The following ZNF93 variants were observed in gnomAD, a reference collection of about 807,000 sequenced individuals.
ZNF93 encodes the protein zinc finger protein 93.
A neutral mutation model predicts 45.0 loss-of-function variants in ZNF93; 29 were observed. That is an observed-to-expected ratio of 0.64 (90% CI 0.48 to 0.88). The LOEUF (loss-of-function observed/expected upper bound fraction) is 0.88, where lower values mean the gene tolerates loss of function less well. Among genes scored for constraint, ZNF93 ranks in the 40% least tolerant of loss-of-function variants. The probability of loss-of-function intolerance (pLI) is 0.00; values close to 1 mark genes in which losing one functional copy is unlikely to be tolerated. For missense variants in ZNF93, 578 were observed against 724.0 expected, an observed-to-expected ratio of 0.80 and a Z score of 2.31; for synonymous variants, 223 against 244.6, an observed-to-expected ratio of 0.91 and a Z score of 0.82.
At chr19:19,929,840 A>AACCT (rs1454868895) in intron 3 of ZNF93, among the ~76,000 whole-genome samples, 19 of 143,724 alleles carry the variant, frequency 1.3e-4, no homozygotes, top group African/African-American at 4.9e-4. Context: ...TGGGAGGCTG[A>AACCT]GGCAGGAGAA....
chr19:19,905,337 G>A (rs1256344575), intron 1 of ZNF93, among the ~76,000 whole-genome samples: 1 of 151,726 alleles, frequency 6.6e-6, no homozygotes, highest in African/African-American at 2.4e-5. Flanking sequence ...GCACCAAACA[G>A]GTATATTTTC....
Position 19,933,460 on chromosome 19 carries a change from GA to G in ZNF93, c.513del (p.Lys171AsnfsTer6), listed in dbSNP as rs775444781. 6.2e-6 allele frequency: 10 copies of G among 1,601,882 alleles called. No individual in the cohort carries two copies. The highest frequency in any genetic ancestry group is 1.8e-5 in the Admixed American group (1 of 56,728). On this transcript the variant is annotated frameshift_variant, in exon 4 of 4. Transcript: ENST00000343769. LOFTEE classifies it high-confidence loss of function. The stretch of plus-strand genomic sequence containing the variant: ...AAATAGACATAATATAAGACATACT[GA>G]AAAAAAACCTTTCAAATGCATAGAA... ...NSNRHNIRHT[E>X]KKPFKCIECG...
intron 3 of ZNF93, among the ~76,000 whole-genome samples, chr19:19,927,865 A>G (rs1308753372): frequency 6.6e-6 from 1 of 152,146 alleles, no homozygotes; most frequent in Non-Finnish European, 1.5e-5. Context: ...CTTGTACCTC[A>G]GCCTCCCAAG....
chr19:19,920,808 T>G (rs2063340786), intron 3 of ZNF93, among the ~76,000 whole-genome samples: 1 of 152,244 alleles, frequency 6.6e-6, no homozygotes, highest in Non-Finnish European at 1.5e-5. Flanking sequence ...TATCATTTTT[T>G]ATTGCATCTA....
chr19:19,917,940 CTTTCTTTTTT>C (rs1288834622), intron 3 of ZNF93, among the ~76,000 whole-genome samples: 1 of 126,022 alleles, frequency 7.9e-6, no homozygotes. Flanking sequence ...TTCCTTCCTT[CTTTCTTTTTT>C]TTTCTTTTTT....
intron 3 of ZNF93, chr19:19,927,341 G>C (rs2063359376): frequency 5.0e-6 from 2 of 396,950 alleles, no homozygotes; most frequent in Non-Finnish European, 8.9e-6. Flanking sequence ...TTGGGTGACA[G>C]AGTGAGACCC....
intron 1 of ZNF93, among the ~76,000 whole-genome samples, chr19:19,913,818 G>A (rs936666994): frequency 1.3e-4 from 19 of 151,670 alleles, no homozygotes; most frequent in African/African-American, 3.9e-4. Context: ...AGGGAAGGAG[G>A]AGAAAGAAAA....
At chr19:19,916,744 G>A (rs1230611528) in intron 3 of ZNF93, 89 bp downstream of exon 3, 3 of 955,616 alleles carry the variant, frequency 3.1e-6, no homozygotes, top group East Asian at 2.8e-5. Context: ...TGTGATTCGG[G>A]AAGCTGTGTT....
rs1254694323 is a variant in ZNF93, at chr19:19,931,135, T to C, written c.227-2047T>C. Among the ~76,000 whole-genome samples, 9 of 149,492 alleles carry C rather than the reference T, an allele frequency of 6.0e-5. No individual in the cohort carries two copies. The South Asian group carries it at 1.5e-3, about 24-fold the overall frequency. The stretch of plus-strand genomic sequence containing the variant: ...ACTTAGGCATTCTATATCTTTTTCT[T>C]TATATAATTTTATTTATATATATAT... On this transcript the variant is annotated intron_variant, in intron 3 of 3. Transcript: ENST00000343769.
intron 1 of ZNF93, chr19:19,907,799 A>G (rs1221098183): frequency 3.9e-5 from 6 of 152,296 alleles, no homozygotes; most frequent in Non-Finnish European, 8.8e-5. Flanking sequence ...ACAGCCTCCC[A>G]AAGTGCTGGA....
Position 19,915,393 on chromosome 19 carries a change from C to A in ZNF93, c.117C>A (p.Asn39Lys), listed in dbSNP as rs1415877720. The A allele has an allele frequency of 6.2e-7, 1 of 1,613,228 alleles. No homozygotes were observed. The highest frequency in any genetic ancestry group is 8.5e-7 in the Non-Finnish European group (1 of 1,179,700). ...ATGTGATGTTAGAGAACTACAGTAA[C>A]CTGGTCTTCCTTGGTGAGGATAACT... ...YRNVMLENYSNLVFLGIVVSK... is the reference protein window; with the variant it reads ...YRNVMLENYSKLVFLGIVVSK... The change falls in exon 2 of 4, where the codon AAC becomes AAA. Residue 39 changes from asparagine to lysine, a missense_variant. Coordinates refer to ENST00000343769, the MANE Select transcript of ZNF93 (RefSeq NM_031218.4).
chr19:19,934,196 C>T lies in ZNF93; in HGVS notation c.1241C>T (p.Ser414Leu), dbSNP rs1289937875. 1.9e-6 allele frequency: 3 copies of T among 1,603,086 alleles called. No individual in the cohort carries two copies. Among genetic ancestry groups the T allele is most frequent in the Non-Finnish European group, 2.5e-6 (3 of 1,177,110 alleles). The change falls in exon 4 of 4, where the codon TCA (serine) becomes TTA (leucine). Residue 414 changes from serine (S) to leucine (L), a missense_variant. This residue lies in a region of ZNF93 where 446 missense variants were observed against 547.6 expected (regional missense o/e 0.81). Coordinates refer to ENST00000343769, the MANE Select transcript of ZNF93 (RefSeq NM_031218.4). ...KAFKYSSTLS[S>L]HKRSHTGEKP... Reference sequence around the variant, plus strand: ...TTTAAGTACTCCTCTACCCTTAGTTCACATAAGAGAAGTCATACTGGAGAG... The same window carrying T: ...TTTAAGTACTCCTCTACCCTTAGTTTACATAAGAGAAGTCATACTGGAGAG...
At position 19,934,682 on chromosome 19, in the gene ZNF93, A is replaced by G. The variant is rs1378777630; in HGVS notation, c.1727A>G (p.His576Arg). ...AGAGAATGTGGCAAAGCTTTTAACCATTCTGCAACCCTTTCTTCACATAAG... is the reference window on the plus strand; with the variant it reads ...AGAGAATGTGGCAAAGCTTTTAACCGTTCTGCAACCCTTTCTTCACATAAG... ...RCRECGKAFN[H>R]SATLSSHKKI... is the part of the protein sequence containing the mutation. Residue 576 changes from histidine (H) to arginine (R), a missense_variant, in exon 4 of 4, where the codon CAT becomes CGT. Coordinates refer to ENST00000343769, the MANE Select transcript of ZNF93 (RefSeq NM_031218.4). The G allele has an allele frequency of 1.7e-5, 28 of 1,613,572 alleles. No individual in the cohort carries two copies. The highest frequency in any genetic ancestry group is 2.3e-5 in the Non-Finnish European group (27 of 1,179,800).
At chr19:19,903,278 G>A (rs960418222) in intron 1 of ZNF93, among the ~76,000 whole-genome samples, 2 of 152,126 alleles carry the variant, frequency 1.3e-5, no homozygotes, top group Non-Finnish European at 2.9e-5. Flanking sequence ...GGCAAATGGA[G>A]GGTGAAAAAG....
chr19:19,933,769 C>T lies in ZNF93; in HGVS notation c.814C>T (p.Leu272Phe). Residue 272 changes from leucine to phenylalanine, a missense_variant, in exon 4 of 4, where the codon CTT (leucine) becomes TTT (phenylalanine). Around this residue, in one of 3 missense-constraint regions of ZNF93, gnomAD observed 446 missense variants for 547.6 expected, o/e 0.81. Coordinates refer to ENST00000343769, the MANE Select transcript of ZNF93 (RefSeq NM_031218.4). The stretch of plus-strand genomic sequence containing the variant: ...CAAAGCTTTTAACCAATCCTCGACA[C>T]TTACTAAACATAAGAAAATTCATAC... Reference protein sequence around the residue: ...CGKAFNQSSTLTKHKKIHTGE... With the variant: ...CGKAFNQSSTFTKHKKIHTGE... 1.2e-6 allele frequency: 2 copies of T among 1,612,938 alleles called. No homozygotes were observed. Among genetic ancestry groups the T allele is most frequent in the Non-Finnish European group, 1.7e-6 (2 of 1,179,274 alleles).
intron 3 of ZNF93, among the ~76,000 whole-genome samples, chr19:19,926,872 A>T (rs538004543): frequency 1.3e-5 from 2 of 152,070 alleles, no homozygotes; most frequent in South Asian, 4.2e-4. Context: ...TTCTTAGCTG[A>T]TTTTCGATGG....
intron 1 of ZNF93, among the ~76,000 whole-genome samples, chr19:19,903,182 T>G (rs577467937): frequency 6.6e-6 from 1 of 152,308 alleles, no homozygotes; most frequent in African/African-American, 2.4e-5. Flanking sequence ...CTCTAAAATC[T>G]TTATGGCTTG....
chr19:19,916,174 C>A (rs968078512), intron 2 of ZNF93, among the ~76,000 whole-genome samples: 1 of 150,498 alleles, frequency 6.6e-6, no homozygotes, highest in Admixed American at 6.6e-5. Context: ...TCAAGCAATT[C>A]TCCTGACTCA....
At chr19:19,913,724 G>A (rs2063315977) in intron 1 of ZNF93, among the ~76,000 whole-genome samples, 1 of 152,122 alleles carries the variant, frequency 6.6e-6, no homozygotes, top group Non-Finnish European at 1.5e-5. Flanking sequence ...ATGCTAGCAG[G>A]TAAACATGTG....
Sources: gnomAD v4.1 joint callset for allele counts (sites outside exome capture counted in the v4.1 genomes callset) on GRCh38, gnomAD v4.1.1 for gene constraint, gnomAD v4.1.1 regional missense constraint, MANE v1.5 for transcripts, NCBI Gene and HGNC (gene_info 2026-07-23, HGNC 2026-07-21) for gene names.